Variants in ENTREP2 observed in about 807,000 individuals in gnomAD.
ENTREP2 encodes endosomal transmembrane epsin interactor 2.
At chr15:29,516,352 T>C in the ENTREP2 span, among the ~76,000 whole-genome samples, 1 of 152,136 alleles carries the variant, frequency 6.6e-6, no homozygotes, top group Non-Finnish European at 1.5e-5. Flanking sequence ...GAATAGAATG[T>C]CCACAGCAAT....
the ENTREP2 span, among the ~76,000 whole-genome samples, chr15:29,149,011 G>A: frequency 6.6e-6 from 1 of 152,076 alleles, no homozygotes; most frequent in Non-Finnish European, 1.5e-5. Context: ...CGAGTAGCTG[G>A]GATTATCGGC....
the ENTREP2 span, among the ~76,000 whole-genome samples, chr15:29,283,777 A>G: frequency 6.6e-6 from 1 of 152,242 alleles, no homozygotes; most frequent in Non-Finnish European, 1.5e-5. Flanking sequence ...AGATATTATT[A>G]GAGCACAAAA....
At chr15:29,484,978 A>G in the ENTREP2 span, among the ~76,000 whole-genome samples, 1 of 152,200 alleles carries the variant, frequency 6.6e-6, no homozygotes, top group African/African-American at 2.4e-5. Flanking sequence ...TGTTTGAAGC[A>G]TGAAAGCTTT....
At chr15:29,295,566 TAC>T in the ENTREP2 span, among the ~76,000 whole-genome samples, 3 of 152,218 alleles carry the variant, frequency 2.0e-5, no homozygotes, top group African/African-American at 7.2e-5. Context: ...ATACATATGA[TAC>T]AGTTTATAAA....
At chr15:29,126,150 G>T in the ENTREP2 span, 1 of 843,536 alleles carries the variant, frequency 1.2e-6, no homozygotes, top group Non-Finnish European at 1.8e-6. Flanking sequence ...CATTCCCAGT[G>T]TGGCCCCAGA....
the ENTREP2 span, among the ~76,000 whole-genome samples, chr15:29,277,735 A>G: frequency 2.6e-5 from 4 of 152,322 alleles, no homozygotes; most frequent in Non-Finnish European, 4.4e-5. Context: ...CTCCTACTCT[A>G]AAGTGGCTGT....
At chr15:29,271,542 C>T in the ENTREP2 span, among the ~76,000 whole-genome samples, 1 of 152,226 alleles carries the variant, frequency 6.6e-6, no homozygotes, top group Non-Finnish European at 1.5e-5. Context: ...TAAAAATCAA[C>T]TCATAACTTA....
At chr15:29,510,861 T>TA in the ENTREP2 span, among the ~76,000 whole-genome samples, 1 of 149,206 alleles carries the variant, frequency 6.7e-6, no homozygotes, top group African/African-American at 2.5e-5. Context: ...TATGCAGCCA[T>TA]AAAAAAGAAT....
chr15:29,216,157 C>T, the ENTREP2 span, among the ~76,000 whole-genome samples: 1 of 152,152 alleles, frequency 6.6e-6, no homozygotes, highest in Non-Finnish European at 1.5e-5. Context: ...GTAATGGTGG[C>T]TTGGCAGTGG....
chr15:29,657,674 C>T, the ENTREP2 span, among the ~76,000 whole-genome samples: 13 of 151,946 alleles, frequency 8.6e-5, no homozygotes, highest in Admixed American at 4.6e-4. Flanking sequence ...TACAGAGCGC[C>T]GATTGGTGCA....
At chr15:29,411,593 G>C in the ENTREP2 span, among the ~76,000 whole-genome samples, 1 of 152,198 alleles carries the variant, frequency 6.6e-6, no homozygotes, top group Non-Finnish European at 1.5e-5. Context: ...TCAGTTATGT[G>C]TATTGCAAGC....
chr15:29,151,713 G>A, the ENTREP2 span: 1 of 1,526,774 alleles, frequency 6.5e-7, no homozygotes. Context: ...GCGCAGAGGA[G>A]GAGGGGATCA....
the ENTREP2 span, among the ~76,000 whole-genome samples, chr15:29,619,028 G>T: frequency 7.9e-5 from 12 of 152,200 alleles, no homozygotes; most frequent in African/African-American, 2.9e-4. Flanking sequence ...CACCCGGCAG[G>T]GGCCCATTTG....
chr15:29,118,181 G>GTGACT, the ENTREP2 span: 1 of 152,624 alleles, frequency 6.6e-6, no homozygotes, highest in East Asian at 1.9e-4. Flanking sequence ...AGAATACACT[G>GTGACT]TGACTTAAGA....
At chr15:29,632,011 T>C in the ENTREP2 span, among the ~76,000 whole-genome samples, 1 of 152,230 alleles carries the variant, frequency 6.6e-6, no homozygotes, top group Admixed American at 6.5e-5. Context: ...GTGGATATTA[T>C]CAAAAAGGAC....
chr15:29,162,725 C>T, the ENTREP2 span, among the ~76,000 whole-genome samples: 2 of 151,742 alleles, frequency 1.3e-5, no homozygotes, highest in Non-Finnish European at 2.9e-5. Context: ...TCCCTACCCA[C>T]TCTGGTAGCA....
the ENTREP2 span, among the ~76,000 whole-genome samples, chr15:29,549,275 A>T: frequency 0.35 from 51,983 of 148,226 alleles, 9,084 homozygotes; most frequent in East Asian, 0.41. Context: ...TTTGTTATAC[A>T]TTTTTTTTTT....
At chr15:29,231,885 C>CTTTCTTT in the ENTREP2 span, among the ~76,000 whole-genome samples, 17 of 129,946 alleles carry the variant, frequency 1.3e-4, no homozygotes, top group African/African-American at 5.1e-4. Flanking sequence ...GTTTTCTTTT[C>CTTTCTTT]TTTTCTTTCT....
At chr15:29,399,101 C>A in the ENTREP2 span, among the ~76,000 whole-genome samples, 4 of 152,194 alleles carry the variant, frequency 2.6e-5, no homozygotes, top group Admixed American at 2.6e-4. Flanking sequence ...AGAGCTTCCC[C>A]ACCCACAGCT....
Sources: gnomAD v4.1 joint callset for allele counts (sites outside exome capture counted in the v4.1 genomes callset) on GRCh38, gnomAD v4.1.1 for gene constraint, MANE v1.5 for transcripts, NCBI Gene and HGNC (gene_info 2026-07-23, HGNC 2026-07-21) for gene names.